Variants in INSIG1 observed in about 807,000 individuals in gnomAD.
INSIG1 encodes the protein insulin induced gene 1.
A neutral mutation model predicts 26.5 loss-of-function variants in INSIG1; 14 were observed. The ratio of observed to expected loss-of-function variants is 0.53; its 90% confidence interval spans 0.35 to 0.83. The LOEUF (loss-of-function observed/expected upper bound fraction) is 0.83. Ranked by LOEUF, INSIG1 falls within the 40% of genes least tolerant of loss-of-function variation. The pLI is 0.01. For synonymous variants in INSIG1, 147 were observed against 153.3 expected, an observed-to-expected ratio of 0.96 and a Z score of 0.30; for missense variants, 272 against 368.9, an observed-to-expected ratio of 0.74 and a Z score of 2.15.
intron 5 of INSIG1, among the ~76,000 whole-genome samples, chr7:155,305,248 C>T (rs1797907440): frequency 6.6e-6 from 1 of 152,128 alleles, no homozygotes; most frequent in African/African-American, 2.4e-5. Context: ...GCCTAACCCG[C>T]CTACCACTGT....
At position 155,302,810 on chromosome 7, in the gene INSIG1, C is replaced by T. The variant is rs576061560; in HGVS notation, c.768C>T (p.Gly256=). ...TCCCTTGTATATTTTTCTCAGGAGG[C>T]GTCACGGTGGGGAACATAGGACGAC... ...SWLPCIFFSG[G]VTVGNIGRQL... The change falls in exon 5 of 6, where the codon GGC becomes GGT. Residue 256 remains glycine (G), a synonymous_variant. Coordinates refer to ENST00000340368, the MANE Select transcript of INSIG1 (RefSeq NM_005542.6). This position sits in a 1 kb window ranked among gnomAD's most constrained non-coding sequence, Gnocchi z 4.3. The T allele has an allele frequency of 2.4e-5, 39 of 1,611,842 alleles. No homozygotes were observed. Among genetic ancestry groups the T allele is most frequent in the Middle Eastern group, 1.6e-4 (1 of 6,062 alleles).
At chr7:155,299,140 G>A (rs919794229) in intron 2 of INSIG1, among the ~76,000 whole-genome samples, 1 of 152,226 alleles carries the variant, frequency 6.6e-6, no homozygotes, top group African/African-American at 2.4e-5. Flanking sequence ...AAACAAACCC[G>A]TCACATGGGT....
rs1797993620 is a variant in INSIG1, at chr7:155,308,366, A to G, written c.*96A>G. 1 of 1,414,210 alleles carries G rather than the reference A, an allele frequency of 7.1e-7. No individual in the cohort carries two copies. The highest frequency in any genetic ancestry group is 1.0e-6 in the Non-Finnish European group (1 of 998,622). The allele number at this position is 1,414,210 out of a possible 1,614,324, so 87.6% of individuals were successfully genotyped here. On this transcript the variant is annotated 3_prime_UTR_variant, in exon 6 of 6. Transcript: ENST00000340368. ...GATTATCTTTTTTCTTAAGTAATCTATTTAGATCGGGCTGACTGTACAAAT... is the reference window on the plus strand; with the variant it reads ...GATTATCTTTTTTCTTAAGTAATCTGTTTAGATCGGGCTGACTGTACAAAT...
In INSIG1 at chr7:155,309,068, TAGTG is replaced by T. The variant is rs1798016675; in HGVS notation, c.*801_*804del. 1.3e-5 allele frequency: 2 copies of T among 152,640 alleles called. No homozygotes were observed. The highest frequency in any genetic ancestry group is 6.5e-5 in the Admixed American group (1 of 15,282). The allele number at this position is 152,640 out of a possible 1,614,324, so 9.5% of individuals were successfully genotyped here. A position where few individuals can be genotyped will look rare whatever the true frequency, so the allele number is the denominator to read the frequency against. ...ACCTGTCTGCCATGTATTTCAATCT[TAGTG>T]AGCCAAAATTGTTTGTTTGTTACTA... On this transcript the variant is annotated 3_prime_UTR_variant, in exon 6 of 6. Transcript: ENST00000340368.
At chr7:155,298,203 G>A in intron 1 of INSIG1, 56 bp from the exon 2 acceptor site, 5 of 1,321,440 alleles carry the variant, frequency 3.8e-6, no homozygotes, top group Non-Finnish European at 4.9e-6. Flanking sequence ...GCGTCCCGCG[G>A]GGCCTTCCTC....
chr7:155,301,540 T>C, intron 2 of INSIG1, 26 bp from the exon 3 acceptor site: 1 of 1,595,604 alleles, frequency 6.3e-7, no homozygotes. Context: ...TGCTGTATTC[T>C]AACATTGTCA....
chr7:155,301,232 C>G (rs1196666525), intron 2 of INSIG1, among the ~76,000 whole-genome samples: 1 of 152,184 alleles, frequency 6.6e-6, no homozygotes, highest in African/African-American at 2.4e-5. Flanking sequence ...CATTTAAGTT[C>G]TGTGTGCTTT....
intron 5 of INSIG1, among the ~76,000 whole-genome samples, chr7:155,306,936 G>A (rs1585208347): frequency 6.6e-6 from 1 of 152,208 alleles, no homozygotes; most frequent in Admixed American, 6.5e-5. Context: ...AGGTCCGCCC[G>A]GGCTGGCTGT....
chr7:155,303,975 C>CTTTT, intron 5 of INSIG1: 1 of 387,496 alleles, frequency 2.6e-6, no homozygotes, highest in Admixed American at 6.2e-5. Flanking sequence ...ACTTTGCTTG[C>CTTTT]CTTTTTTTTT....
In INSIG1 at chr7:155,297,974, G is replaced by A. The variant is rs1218874782; in HGVS notation, c.-28+15G>A. 8.0e-6 allele frequency: 2 copies of A among 248,998 alleles called. No homozygotes were observed. Among genetic ancestry groups the A allele is most frequent in the African/African-American group, 2.3e-5 (1 of 44,218 alleles). The allele number at this position is 248,998 out of a possible 1,614,324, so 15.4% of individuals were successfully genotyped here. ...CTCTCGGCCAGGTACGCGGCCGGCTGGGATAGGGGTCGCGGGCGGGCTTTG... is the reference window on the plus strand; with the variant it reads ...CTCTCGGCCAGGTACGCGGCCGGCTAGGATAGGGGTCGCGGGCGGGCTTTG... On this transcript the variant is annotated intron_variant, in intron 1 of 5. Coordinates refer to ENST00000340368, the MANE Select transcript of INSIG1 (RefSeq NM_005542.6).
At position 155,301,557 on chromosome 7, in the gene INSIG1, T is replaced by C. The variant is rs766096519; in HGVS notation, c.413-9T>C. On this transcript the variant is annotated splice_polypyrimidine_tract_variant and intron_variant, in intron 2 of 5. Transcript: ENST00000340368. ...CTGTATTCTAACATTGTCAACTTTT[T>C]TAAAACAGCTGTTGTTGGCCTACTG... is the stretch of plus-strand genomic sequence containing the variant. 1.5e-5 allele frequency: 24 copies of C among 1,598,232 alleles called. No individual in the cohort carries two copies. The highest frequency in any genetic ancestry group is 2.0e-5 in the Non-Finnish European group (23 of 1,171,072).
At chr7:155,304,981 C>CAAA (rs764489772) in intron 5 of INSIG1, among the ~76,000 whole-genome samples, 27,052 of 129,550 alleles carry the variant, frequency 0.21, 3,203 homozygotes, top group Middle Eastern at 0.29. Context: ...ACTAAAAATA[C>CAAA]AAAAAAAAAA....
At chr7:155,301,719 G>C in intron 3 of INSIG1, 29 bp downstream of exon 3, 1 of 1,526,274 alleles carries the variant, frequency 6.6e-7, no homozygotes, top group African/African-American at 1.4e-5. Flanking sequence ...GCTACGTCCA[G>C]AGTATCTTCT....
At chr7:155,298,168 C>G (rs1797672244) in intron 1 of INSIG1, 91 bp from the exon 2 acceptor site, 1 of 1,150,990 alleles carries the variant, frequency 8.7e-7, no homozygotes. Context: ...GGCGGCGCTG[C>G]CGCCTGGCCC....
chr7:155,302,421 A>C lies in INSIG1; in HGVS notation c.704+4A>C. Reference sequence around the variant, plus strand: ...TCGTGTATAATGGTGTCTATCAGTAAGTGTGTGTTTTCAAATATTGGCTTT... The same window carrying C: ...TCGTGTATAATGGTGTCTATCAGTACGTGTGTGTTTTCAAATATTGGCTTT... On this transcript the variant is annotated splice_donor_region_variant and intron_variant, in intron 4 of 5. Coordinates refer to ENST00000340368, the MANE Select transcript of INSIG1 (RefSeq NM_005542.6). This position sits in a 1 kb window ranked among gnomAD's most constrained non-coding sequence, Gnocchi z 4.3. 6.3e-7 allele frequency: 1 copy of C among 1,575,440 alleles called. No homozygotes were observed. Among genetic ancestry groups the C allele is most frequent in the Non-Finnish European group, 8.6e-7 (1 of 1,163,992 alleles).
chr7:155,298,498 G>T lies in INSIG1; in HGVS notation c.213G>T (p.Glu71Asp). ...GCAGTGCTGCGATGAGCGGCCCCGA[G>T]CCCGGCAGCCCCTACCCCAACACCT... ...RGRSAAMSGP[E>D]PGSPYPNTWH... is the part of the protein sequence containing the mutation. The change falls in exon 2 of 6, where the codon GAG becomes GAT. Residue 71 changes from glutamate (E) to aspartate (D), a missense_variant. Transcript: ENST00000340368. 6.3e-7 allele frequency: 1 copy of T among 1,575,414 alleles called. No individual in the cohort carries two copies. The highest frequency in any genetic ancestry group is 8.6e-7 in the Non-Finnish European group (1 of 1,161,672).
chr7:155,298,140 G>C (rs1797670612), intron 1 of INSIG1, 119 bp from the exon 2 acceptor site: 1 of 796,814 alleles, frequency 1.3e-6, no homozygotes, highest in South Asian at 3.8e-5. Context: ...GCGGGCGCAC[G>C]GGGGTCTAAC....
chr7:155,301,935 T>A (rs1325697854), intron 3 of INSIG1, among the ~76,000 whole-genome samples: 7 of 64,416 alleles, frequency 1.1e-4, no homozygotes, highest in Admixed American at 1.6e-4. Context: ...TTATATATAT[T>A]TTTAAATATA....
chr7:155,300,917 G>A (rs1425005425), intron 2 of INSIG1, among the ~76,000 whole-genome samples: 1 of 152,214 alleles, frequency 6.6e-6, no homozygotes, highest in African/African-American at 2.4e-5. Flanking sequence ...GAGAATAAGC[G>A]AAGCCTGTGT....
Sources: gnomAD v4.1 joint callset for allele counts (sites outside exome capture counted in the v4.1 genomes callset) on GRCh38, gnomAD v4.1.1 for gene constraint, Gnocchi (gnomAD v3.1) non-coding constraint, MANE v1.5 for transcripts, NCBI Gene and HGNC (gene_info 2026-07-23, HGNC 2026-07-21) for gene names.